The following ETS1 variants were observed in gnomAD, a reference collection of about 807,000 sequenced individuals.
ETS1 encodes protein C-ets-1.
A neutral mutation model predicts 58.6 loss-of-function variants in ETS1; 15 were observed. The ratio of observed to expected loss-of-function variants is 0.26; its 90% CI spans 0.17 to 0.39. The LOEUF (loss-of-function observed/expected upper bound fraction) is 0.39. ETS1 is among the 10% of genes least tolerant of loss of function. ETS1 has a pLI of 1.00. For synonymous variants in ETS1, 214 were observed against 218.2 expected, an observed-to-expected ratio of 0.98 and a Z score of 0.17; for missense variants, 417 against 610.5, an observed-to-expected ratio of 0.68 and a Z score of 3.34.
chr11:128,581,033 G>A (rs1004161713), intron 1 of ETS1, among the ~76,000 whole-genome samples: 14 of 152,116 alleles, frequency 9.2e-5, no homozygotes, highest in African/African-American at 2.9e-4. Context: ...ACTATCTCCT[G>A]AAAAAGAGAA....
intron 2 of ETS1, among the ~76,000 whole-genome samples, chr11:128,561,966 G>C (rs748133466): frequency 4.6e-5 from 7 of 152,222 alleles, no homozygotes; most frequent in Non-Finnish European, 1.0e-4. Flanking sequence ...GCTGCTGACA[G>C]TTAAGAGGAG....
rs1006826625 is a variant in ETS1 at position 128,523,652 on chromosome 11, G to A, written c.214+32639C>T. On this transcript the variant is annotated intron_variant, in intron 3 of 9. Coordinates refer to ENST00000392668, the MANE Select transcript of ETS1 (RefSeq NM_001143820.2). ...ATTTGCAGATTTCCCACAGCAAATC[G>A]GGGAGGAAGCCAGGAACAGAAAAAT... Among the ~76,000 whole-genome samples, 6 of 152,280 alleles carry A rather than the reference G, an allele frequency of 3.9e-5. No homozygotes were observed. The South Asian group carries it at 6.2e-4, about 16-fold the overall frequency.
intron 3 of ETS1, among the ~76,000 whole-genome samples, chr11:128,533,886 T>TG (rs1193157462): frequency 5.9e-5 from 9 of 152,238 alleles, no homozygotes; most frequent in African/African-American, 1.9e-4. Flanking sequence ...AATAGATAAC[T>TG]GAGTAACTGA....
At chr11:128,467,710 A>T (rs559537864) in intron 8 of ETS1, among the ~76,000 whole-genome samples, 1 of 152,170 alleles carries the variant, frequency 6.6e-6, no homozygotes, top group East Asian at 1.9e-4. Context: ...CCTGTCTGGG[A>T]TCTCCAAGGC....
At position 128,552,763 on chromosome 11, in the gene ETS1, C is replaced by T. The variant is rs138574910; in HGVS notation, c.214+3528G>A. ...GTGTGCTCAGCTGGGTCTCTGATGT[C>T]GGTTTTGGAAAACAGGCAGTGTCTG... On this transcript the variant is annotated intron_variant, in intron 3 of 9. Coordinates refer to ENST00000392668, the MANE Select transcript of ETS1 (RefSeq NM_001143820.2). Among the ~76,000 whole-genome samples the T allele has an allele frequency of 2.0e-3, 307 of 152,228 alleles. 1 individual carries two copies. Among genetic ancestry groups the T allele is most frequent in the African/African-American group, 7.1e-3 (293 of 41,498 alleles).
intron 3 of ETS1, among the ~76,000 whole-genome samples, chr11:128,543,156 G>A (rs1864080692): frequency 6.7e-6 from 1 of 149,088 alleles, no homozygotes; most frequent in South Asian, 2.1e-4. Context: ...TCGTGCCATT[G>A]CACTCCAGTC....
At chr11:128,579,335 G>A (rs1229193303) in intron 1 of ETS1, among the ~76,000 whole-genome samples, 1 of 151,920 alleles carries the variant, frequency 6.6e-6, no homozygotes, top group African/African-American at 2.4e-5. Context: ...CAAAAAGCAT[G>A]TCCTTTTGGC....
intron 2 of ETS1, among the ~76,000 whole-genome samples, chr11:128,564,182 C>A (rs987300537): frequency 2.0e-5 from 3 of 152,182 alleles, no homozygotes; most frequent in African/African-American, 7.2e-5. Flanking sequence ...GCAAACAGAA[C>A]CACTCCCCAG....
chr11:128,471,481 C>T (rs944834173), intron 8 of ETS1, among the ~76,000 whole-genome samples: 1 of 152,238 alleles, frequency 6.6e-6, no homozygotes, highest in Non-Finnish European at 1.5e-5. Flanking sequence ...CAAATGCAAC[C>T]ACCTCTTTCT....
In ETS1 at chr11:128,463,672, A is replaced by G. The variant is rs1236650351; in HGVS notation, c.1124-45T>C. On this transcript the variant is annotated intron_variant, in intron 8 of 9. Transcript: ENST00000392668. This position sits in a 1 kb window ranked among gnomAD's most constrained non-coding sequence, Gnocchi z 4.1. ...TGAATCATTACACCAGATATTCAGC[A>G]CTCTACGCAGCTAATCCCCACACAC... 9.4e-7 allele frequency: 1 copy of G among 1,059,108 alleles called. No homozygotes were observed. The highest frequency in any genetic ancestry group is 1.7e-5 in the Admixed American group (1 of 59,136). The allele number at this position is 1,059,108 out of a possible 1,614,324, so 65.6% of individuals were successfully genotyped here.
At chr11:128,573,210 G>A in intron 1 of ETS1, 66 bp from the exon 2 acceptor site, 2 of 1,119,572 alleles carry the variant, frequency 1.8e-6, no homozygotes, top group East Asian at 2.6e-5. Context: ...GAATACACAA[G>A]GAAGACACGA....
At chr11:128,489,569 A>G in intron 4 of ETS1, 79 bp from the exon 5 acceptor site, 10 of 1,051,886 alleles carry the variant, frequency 9.5e-6, no homozygotes, top group Non-Finnish European at 1.5e-5. Flanking sequence ...ACACTGAAGG[A>G]GCTGAATTTA....
Position 128,551,086 on chromosome 11 carries a change from ACACACCCTTTAGAAAAGAAAAG to A in ETS1, c.214+5183_214+5204del, listed in dbSNP as rs541019560. Among the ~76,000 whole-genome samples, 276 of 152,330 alleles carry A rather than the reference ACACACCCTTTAGAAAAGAAAAG, an allele frequency of 1.8e-3. 1 individual carries two copies. Among genetic ancestry groups the A allele is most frequent in the African/African-American group, 6.4e-3 (264 of 41,562 alleles). Reference sequence around the variant, plus strand: ...TGTTCTGAAGAACAAAGAACCTGACACACACCCTTTAGAAAAGAAAAGCACACCCTGAATGAGGAAAGAAGAG... The same window carrying A: ...TGTTCTGAAGAACAAAGAACCTGACACACACCCTGAATGAGGAAAGAAGAG... On this transcript the variant is annotated intron_variant, in intron 3 of 9. Coordinates refer to ENST00000392668, the MANE Select transcript of ETS1 (RefSeq NM_001143820.2).
rs1169344123 is a variant in ETS1 at position 128,583,511 on chromosome 11, AAG to A, written c.-15+3975_-15+3976del. 3.9e-5 allele frequency among the ~76,000 whole-genome samples: 6 copies of A among 152,356 alleles called. 1 individual carries two copies. The highest frequency in any genetic ancestry group is 1.4e-4 in the African/African-American group (6 of 41,576). ...CAAGAGGTGCCAAGAGATAATTTAA[AAG>A]AGTTATTTGCATTATATGTTTTTTT... On this transcript the variant is annotated intron_variant, in intron 1 of 9. Transcript: ENST00000392668.
At chr11:128,552,066 G>A (rs115611796) in intron 3 of ETS1, among the ~76,000 whole-genome samples, 3,719 of 152,054 alleles carry the variant, frequency 0.024, 147 homozygotes, top group African/African-American at 0.086. Context: ...GGTACGGCTC[G>A]AGATTTTGCA....
intron 3 of ETS1, among the ~76,000 whole-genome samples, chr11:128,499,129 A>T (rs891605759): frequency 2.6e-5 from 4 of 152,224 alleles, no homozygotes. Flanking sequence ...TGACAGGATC[A>T]TACGGCTTTT....
chr11:128,531,576 A>G (rs1012529962), intron 3 of ETS1, among the ~76,000 whole-genome samples: 2 of 152,218 alleles, frequency 1.3e-5, no homozygotes, highest in Non-Finnish European at 2.9e-5. Flanking sequence ...CAAATCATGC[A>G]AATCCTTGAC....
chr11:128,503,274 T>A (rs1162300926), intron 3 of ETS1, among the ~76,000 whole-genome samples: 1 of 152,178 alleles, frequency 6.6e-6, no homozygotes, highest in East Asian at 1.9e-4. Context: ...AAATGTTTTA[T>A]AACTTAAAAT....
chr11:128,585,020 GAAGAAAGAAAGAAAA>G lies in ETS1; in HGVS notation c.-15+2453_-15+2467del, dbSNP rs1565420984. On this transcript the variant is annotated intron_variant, in intron 1 of 9. Coordinates refer to ENST00000392668, the MANE Select transcript of ETS1 (RefSeq NM_001143820.2). ...GAAGGAAGGAAAGAAAGGAAAGAAA[GAAGAAAGAAAGAAAA>G]GAAAGAAAGAAAGAAAGAAAGAAAG... is the stretch of plus-strand genomic sequence containing the variant. Among the ~76,000 whole-genome samples, 68 of 15,914 alleles carry G rather than the reference GAAGAAAGAAAGAAAA, an allele frequency of 4.3e-3. 8 individuals carry two copies. The highest frequency in any genetic ancestry group is 0.012 in the African/African-American group (51 of 4,264). 10.4% of individuals were successfully genotyped at this position (15,914 alleles called of 152,430 possible). A position where few individuals can be genotyped will look rare whatever the true frequency, so the allele number is the denominator to read the frequency against.
Sources: gnomAD v4.1 joint callset for allele counts (sites outside exome capture counted in the v4.1 genomes callset) on GRCh38, gnomAD v4.1.1 for gene constraint, Gnocchi (gnomAD v3.1) non-coding constraint, MANE v1.5 for transcripts, NCBI Gene and HGNC (gene_info 2026-07-23, HGNC 2026-07-21) for gene names.